The following PIK3CD variants were observed in gnomAD, a reference collection of about 807,000 sequenced individuals.
PIK3CD encodes phosphatidylinositol-4,5-bisphosphate 3-kinase catalytic subunit delta.
PIK3CD carries 20 observed loss-of-function variants against 122.9 expected under a neutral mutation model. The ratio of observed to expected loss-of-function variants is 0.16; its 90% CI spans 0.11 to 0.24. PIK3CD has a LOEUF of 0.24. Ranked by LOEUF, PIK3CD falls within the 10% of genes least tolerant of loss-of-function variation. PIK3CD has a pLI of 1.00. For synonymous variants in PIK3CD, 596 were observed against 593.4 expected (o/e 1.00, Z -0.06); for missense variants, 787 against 1,406.3 (o/e 0.56, Z 7.04).
At chr1:9,705,764 G>A (rs948977809) in intron 2 of PIK3CD, among the ~76,000 whole-genome samples, 2 of 144,438 alleles carry the variant, frequency 1.4e-5, no homozygotes, top group African/African-American at 2.8e-5. Flanking sequence ...AAATTAAAAC[G>A]AGATAATTTC....
chr1:9,699,533 G>C (rs1646546124), intron 2 of PIK3CD, among the ~76,000 whole-genome samples: 1 of 151,860 alleles, frequency 6.6e-6, no homozygotes, highest in African/African-American at 2.4e-5. Flanking sequence ...GTCTCTCCCA[G>C]TCACCCTCTC....
rs778546698 is a variant in PIK3CD, at chr1:9,710,619, A to C, written c.141+23A>C. ...CAGGTATGGCCTCCATCCGGTCCTC[A>C]GACCTTGGTGCTCAGAGAGAGAGAG... On this transcript the variant is annotated intron_variant, in intron 3 of 23. Transcript: ENST00000377346. The surrounding 1 kb of genome is among the most constrained non-coding windows in gnomAD (Gnocchi z 4.7). 1 of 1,610,882 alleles carries C rather than the reference A, an allele frequency of 6.2e-7. No homozygotes were observed.
chr1:9,662,388 T>A, intron 1 of PIK3CD: 1 of 172,130 alleles, frequency 5.8e-6, no homozygotes, highest in South Asian at 1.6e-4. Context: ...AGTCGTGCCA[T>A]TAGACTTTTC....
Position 9,719,474 on chromosome 1 carries a change from T to C in PIK3CD, c.1243-447T>C, listed in dbSNP as rs147205809. Among the ~76,000 whole-genome samples, 599 of 152,028 alleles carry C rather than the reference T, an allele frequency of 3.9e-3. 11 individuals are homozygous for C. The East Asian group carries it at 0.042, about 11-fold the overall frequency. On this transcript the variant is annotated intron_variant, in intron 9 of 23. Coordinates refer to ENST00000377346, the MANE Select transcript of PIK3CD (RefSeq NM_005026.5). The surrounding 1 kb of genome is among the most constrained non-coding windows in gnomAD (Gnocchi z 5.5). The stretch of plus-strand genomic sequence containing the variant: ...AGGAGTTTGAGACCAGCCTGGCCAA[T>C]ATGGTGAAACCCTGTCTCTACTGAA...
In PIK3CD at chr1:9,724,063, G is replaced by A; in HGVS notation, c.2689G>A (p.Asp897Asn). 1 of 1,614,178 alleles carries A rather than the reference G, an allele frequency of 6.2e-7. No homozygotes were observed. The highest frequency in any genetic ancestry group is 8.5e-7 in the Non-Finnish European group (1 of 1,180,042). Residue 897 changes from aspartate (D) to asparagine (N), a missense_variant, in exon 21 of 24, where the codon GAC becomes AAC. Coordinates refer to ENST00000377346, the MANE Select transcript of PIK3CD (RefSeq NM_005026.5). The surrounding 1 kb of genome is among the most constrained non-coding windows in gnomAD (Gnocchi z 7.3). Reference sequence around the variant, plus strand: ...GCTGGGCATTGGCGATCGGCACAGCGACAACATCATGATCCGAGAGAGTGG... The same window carrying A: ...GCTGGGCATTGGCGATCGGCACAGCAACAACATCATGATCCGAGAGAGTGG... Reference protein sequence around the residue: ...YVLGIGDRHSDNIMIRESGQL... With the variant: ...YVLGIGDRHSNNIMIRESGQL...
At position 9,718,969 on chromosome 1, in the gene PIK3CD, C is replaced by T. The variant is rs1189571568; in HGVS notation, c.1242+54C>T. The T allele has an allele frequency of 1.3e-6, 2 of 1,524,114 alleles. No individual in the cohort carries two copies. The highest frequency in any genetic ancestry group is 1.8e-6 in the Non-Finnish European group (2 of 1,108,938). The allele number at this position is 1,524,114 out of a possible 1,614,324, so 94.4% of individuals were successfully genotyped here. ...GCAGACCCCGGAGAGCCAGTACAGC[C>T]CCTTGCTGGGCCACTCACCACTCTC... On this transcript the variant is annotated intron_variant, in intron 9 of 23. Transcript: ENST00000377346. This position sits in a 1 kb window ranked among gnomAD's most constrained non-coding sequence, Gnocchi z 7.2.
chr1:9,682,337 T>C (rs1246604670), intron 1 of PIK3CD, among the ~76,000 whole-genome samples: 3 of 151,728 alleles, frequency 2.0e-5, no homozygotes, highest in East Asian at 3.9e-4. Context: ...AACCTCCGCC[T>C]CCAGGGTTCT....
At position 9,715,059 on chromosome 1, in the gene PIK3CD, C is replaced by G. The variant is rs968720202; in HGVS notation, c.142-482C>G. ...AGGCATGGTGGTGCATGCCTATAATCCCAGCTACTCGGGAGGCTGAGGCAA... is the reference window on the plus strand; with the variant it reads ...AGGCATGGTGGTGCATGCCTATAATGCCAGCTACTCGGGAGGCTGAGGCAA... On this transcript the variant is annotated intron_variant, in intron 3 of 23. Coordinates refer to ENST00000377346, the MANE Select transcript of PIK3CD (RefSeq NM_005026.5). The surrounding 1 kb of genome is among the most constrained non-coding windows in gnomAD (Gnocchi z 4.1). Among the ~76,000 whole-genome samples, 1 of 152,140 alleles carries G rather than the reference C, an allele frequency of 6.6e-6. No individual in the cohort carries two copies. The highest frequency in any genetic ancestry group is 1.5e-5 in the Non-Finnish European group (1 of 68,020).
chr1:9,636,027 C>T, the PIK3CD span, among the ~76,000 whole-genome samples: 3 of 152,208 alleles, frequency 2.0e-5, no homozygotes, highest in Admixed American at 6.6e-5. Context: ...TTTAATCTTA[C>T]ATTTATGTAT....
the PIK3CD span, among the ~76,000 whole-genome samples, chr1:9,629,645 C>G: frequency 6.6e-6 from 1 of 152,146 alleles, no homozygotes; most frequent in Non-Finnish European, 1.5e-5. Context: ...ATGGTCTCAA[C>G]CTTGGGGAGC....
chr1:9,710,203 G>A lies in PIK3CD; in HGVS notation c.-32-221G>A. 1 of 525,538 alleles carries A rather than the reference G, an allele frequency of 1.9e-6. No individual in the cohort carries two copies. Among genetic ancestry groups the A allele is most frequent in the Admixed American group, 3.0e-5 (1 of 33,142 alleles). 32.6% of individuals were successfully genotyped at this position (525,538 alleles called of 1,614,324 possible). ...GGGAGGACATGCAGTGTCTGCCTGG[G>A]AGAAGAGGCAGCTGAGGCCGTGGCC... is the stretch of plus-strand genomic sequence containing the variant. On this transcript the variant is annotated intron_variant, in intron 2 of 23. Coordinates refer to ENST00000377346, the MANE Select transcript of PIK3CD (RefSeq NM_005026.5). The surrounding 1 kb of genome is among the most constrained non-coding windows in gnomAD (Gnocchi z 4.7).
intron 3 of PIK3CD, among the ~76,000 whole-genome samples, chr1:9,714,535 A>G (rs2100827871): frequency 6.6e-6 from 1 of 152,106 alleles, no homozygotes; most frequent in African/African-American, 2.4e-5. Flanking sequence ...AATGGGCTTG[A>G]CCCACACCTG....
At chr1:9,721,930 C>T (rs773355153) in intron 16 of PIK3CD, 45 bp from the exon 17 acceptor site, 16 of 1,612,564 alleles carry the variant, frequency 9.9e-6, no homozygotes, top group East Asian at 4.5e-5. Flanking sequence ...AGGGCTGGGT[C>T]GAGGCTGGGA....
Position 9,720,604 on chromosome 1 carries a change from G to A in PIK3CD, c.1471-7G>A. 2 of 1,512,130 alleles carry A rather than the reference G, an allele frequency of 1.3e-6. No homozygotes were observed. Among genetic ancestry groups the A allele is most frequent in the Non-Finnish European group, 1.8e-6 (2 of 1,125,062 alleles). 93.7% of individuals were successfully genotyped at this position (1,512,130 alleles called of 1,614,324 possible). The stretch of plus-strand genomic sequence containing the variant: ...CTGGGGACGCTGAGTGCAGCCGTTT[G>A]TTGCAGATCTTGGAGCTGGGGCGAC... On this transcript the variant is annotated splice_region_variant and splice_polypyrimidine_tract_variant and intron_variant, in intron 11 of 23. Coordinates refer to ENST00000377346, the MANE Select transcript of PIK3CD (RefSeq NM_005026.5). This position sits in a 1 kb window ranked among gnomAD's most constrained non-coding sequence, Gnocchi z 9.0.
chr1:9,715,399 A>G lies in PIK3CD; in HGVS notation c.142-142A>G. On this transcript the variant is annotated intron_variant, in intron 3 of 23. Coordinates refer to ENST00000377346, the MANE Select transcript of PIK3CD (RefSeq NM_005026.5). The surrounding 1 kb of genome is among the most constrained non-coding windows in gnomAD (Gnocchi z 4.1). ...ATGGTCAGCACCCAGGGGGCTGCAG[A>G]GAGTGCAGATCTTGGGGTCTGCCTC... The G allele has an allele frequency of 1.4e-6, 1 of 697,158 alleles. No homozygotes were observed. The highest frequency in any genetic ancestry group is 2.5e-6 in the Non-Finnish European group (1 of 394,482). The allele number at this position is 697,158 out of a possible 1,614,324, so 43.2% of individuals were successfully genotyped here.
At chr1:9,660,615 T>C (rs1338602820) in intron 1 of PIK3CD, among the ~76,000 whole-genome samples, 4 of 152,060 alleles carry the variant, frequency 2.6e-5, no homozygotes, top group African/African-American at 9.7e-5. Flanking sequence ...CTTGCCCAGA[T>C]CCACCGGGAA....
chr1:9,715,818 A>G lies in PIK3CD; in HGVS notation c.371-31A>G. The G allele has an allele frequency of 6.3e-7, 1 of 1,599,898 alleles. No individual in the cohort carries two copies. The highest frequency in any genetic ancestry group is 8.6e-7 in the Non-Finnish European group (1 of 1,168,506). On this transcript the variant is annotated intron_variant, in intron 4 of 23. Coordinates refer to ENST00000377346, the MANE Select transcript of PIK3CD (RefSeq NM_005026.5). This position sits in a 1 kb window ranked among gnomAD's most constrained non-coding sequence, Gnocchi z 4.1. ...TGGCCGGGCTGGCCCTGCCTGCCCC[A>G]CCCGCTGACCCAGCCCTCCCCACCC...
chr1:9,718,173 C>T lies in PIK3CD; in HGVS notation c.1021-521C>T. 2.2e-6 allele frequency: 1 copy of T among 464,270 alleles called. No homozygotes were observed. The highest frequency in any genetic ancestry group is 4.3e-6 in the Non-Finnish European group (1 of 232,652). The allele number at this position is 464,270 out of a possible 1,614,324, so 28.8% of individuals were successfully genotyped here. On this transcript the variant is annotated intron_variant, in intron 8 of 23. Coordinates refer to ENST00000377346, the MANE Select transcript of PIK3CD (RefSeq NM_005026.5). The surrounding 1 kb of genome is among the most constrained non-coding windows in gnomAD (Gnocchi z 7.2). The stretch of plus-strand genomic sequence containing the variant: ...AGTCCTCAGAGGTTGGCCCTCCTGC[C>T]TGGAGTGTGTTTCACTGGGGAAATC...
Position 9,723,683 on chromosome 1 carries a change from C to T in PIK3CD, c.2595-286C>T, listed in dbSNP as rs976926228. 7.9e-5 allele frequency among the ~76,000 whole-genome samples: 12 copies of T among 152,132 alleles called. No homozygotes were observed. The highest frequency in any genetic ancestry group is 2.0e-4 in the Admixed American group (3 of 15,266). On this transcript the variant is annotated intron_variant, in intron 20 of 23. Coordinates refer to ENST00000377346, the MANE Select transcript of PIK3CD (RefSeq NM_005026.5). This position sits in a 1 kb window ranked among gnomAD's most constrained non-coding sequence, Gnocchi z 4.9. ...ACCCATCTCATTCCTGGGGCCTTGG[C>T]GCCAGCTGTCTGTGATGCCTCTCTG...
Sources: gnomAD v4.1 joint callset for allele counts (sites outside exome capture counted in the v4.1 genomes callset) on GRCh38, gnomAD v4.1.1 for gene constraint, Gnocchi (gnomAD v3.1) non-coding constraint, MANE v1.5 for transcripts, NCBI Gene and HGNC (gene_info 2026-07-23, HGNC 2026-07-21) for gene names.